Variants in SLIT3 observed in about 807,000 individuals in gnomAD.
The protein encoded by SLIT3 is slit guidance ligand 3, also known as slit homolog 3 protein.
Under a neutral mutation model 184.0 loss-of-function variants are expected in SLIT3, and 68 were observed. The observed-to-expected ratio is 0.37, with a 90% CI of 0.30 to 0.45. The LOEUF (loss-of-function observed/expected upper bound fraction) is 0.45. SLIT3 is among the 20% of genes least tolerant of loss of function. SLIT3 has a pLI of 1.00. For missense variants in SLIT3, 1,707 were observed against 2,026.0 expected (o/e 0.84, Z 3.02); for synonymous variants, 831 against 828.6 (o/e 1.00, Z -0.05).
intron 26 of SLIT3, among the ~76,000 whole-genome samples, chr5:168,705,084 G>A (rs1762337089): frequency 6.6e-6 from 1 of 152,168 alleles, no homozygotes; most frequent in Admixed American, 6.5e-5. Context: ...CCTGCTTGGT[G>A]TTCTTCCCAT....
chr5:168,968,168 C>G (rs553930695), intron 4 of SLIT3, among the ~76,000 whole-genome samples: 4 of 152,152 alleles, frequency 2.6e-5, no homozygotes, highest in African/African-American at 9.7e-5. Context: ...TCTGCTTTCC[C>G]GGGTCAGCAA....
At chr5:168,886,318 C>A (rs1033939275) in intron 4 of SLIT3, among the ~76,000 whole-genome samples, 2 of 152,146 alleles carry the variant, frequency 1.3e-5, no homozygotes, top group African/African-American at 2.4e-5. Flanking sequence ...GGGTTCAGGG[C>A]TGGGCGCTTC....
intron 4 of SLIT3, among the ~76,000 whole-genome samples, chr5:169,163,225 G>T (rs1438562978): frequency 6.6e-6 from 1 of 152,156 alleles, no homozygotes; most frequent in Admixed American, 6.5e-5. Context: ...GGAGGCTGAG[G>T]CAGGAGAATC....
chr5:168,711,163 G>A (rs1356219002), intron 24 of SLIT3, 105 bp from the exon 25 acceptor site: 35 of 1,065,420 alleles, frequency 3.3e-5, no homozygotes, highest in Non-Finnish European at 4.6e-5. Flanking sequence ...CTAGACTGGA[G>A]GTATCCAATA....
At chr5:169,133,025 A>G (rs1202491056) in intron 4 of SLIT3, among the ~76,000 whole-genome samples, 2 of 152,188 alleles carry the variant, frequency 1.3e-5, no homozygotes, top group Admixed American at 6.5e-5. Flanking sequence ...CAGTAGAGAG[A>G]CATAGACAAC....
chr5:169,272,722 A>G lies in SLIT3; in HGVS notation c.198-21263T>C, dbSNP rs541844959. On this transcript the variant is annotated intron_variant, in intron 1 of 35. Coordinates refer to ENST00000519560, the MANE Select transcript of SLIT3 (RefSeq NM_003062.4). ...AGACTTGATCCTGCAGGTCTACTGA[A>G]GTTGACCCCAGCTCCCAGGGAAAAA... Among the ~76,000 whole-genome samples, 43 of 152,308 alleles carry G rather than the reference A, an allele frequency of 2.8e-4. No homozygotes were observed. In the South Asian group the frequency reaches 3.9e-3, roughly 14 times the overall value.
At chr5:169,049,161 G>A (rs1757732446) in intron 4 of SLIT3, among the ~76,000 whole-genome samples, 1 of 152,172 alleles carries the variant, frequency 6.6e-6, no homozygotes, top group African/African-American at 2.4e-5. Flanking sequence ...ATACAAACGT[G>A]TAGAGTTGGA....
chr5:168,857,755 G>A (rs1373557713), intron 5 of SLIT3, among the ~76,000 whole-genome samples: 2 of 152,184 alleles, frequency 1.3e-5, no homozygotes, highest in Non-Finnish European at 2.9e-5. Context: ...GGGGGTCGGA[G>A]GGCTGAACAG....
intron 4 of SLIT3, among the ~76,000 whole-genome samples, chr5:169,055,101 T>A (rs1219168760): frequency 1.3e-5 from 2 of 152,130 alleles, no homozygotes; most frequent in African/African-American, 4.8e-5. Context: ...TCAATATGGT[T>A]GTTGCTCAAC....
chr5:168,879,446 T>C (rs11951731), intron 5 of SLIT3, among the ~76,000 whole-genome samples: 46,358 of 152,156 alleles, frequency 0.3, 7,867 homozygotes, highest in Non-Finnish European at 0.37. Context: ...TTGTGCTAAA[T>C]GTCTCTTATT....
chr5:168,917,894 T>C (rs1393964381), intron 4 of SLIT3, among the ~76,000 whole-genome samples: 1 of 152,204 alleles, frequency 6.6e-6, no homozygotes, highest in East Asian at 1.9e-4. Flanking sequence ...AAACAATCTG[T>C]GAATAAATAG....
At chr5:168,972,337 ATGTGTG>A (rs60588036) in intron 4 of SLIT3, among the ~76,000 whole-genome samples, 14 of 118,248 alleles carry the variant, frequency 1.2e-4, no homozygotes, top group Admixed American at 5.0e-4. Flanking sequence ...GCAGGACAAC[ATGTGTG>A]TGTGTGTGTG....
At chr5:169,094,891 C>T (rs1472470881) in intron 4 of SLIT3, among the ~76,000 whole-genome samples, 2 of 152,218 alleles carry the variant, frequency 1.3e-5, no homozygotes, top group Non-Finnish European at 2.9e-5. Flanking sequence ...ACAGAGACCA[C>T]ATGTCCTGCA....
At chr5:168,902,466 A>G (rs1760902817) in intron 4 of SLIT3, among the ~76,000 whole-genome samples, 1 of 152,228 alleles carries the variant, frequency 6.6e-6, no homozygotes, top group Non-Finnish European at 1.5e-5. Flanking sequence ...AATGCGTGAT[A>G]AGCAGTCAGA....
At chr5:169,129,552 C>T (rs1436201743) in intron 4 of SLIT3, among the ~76,000 whole-genome samples, 2 of 151,546 alleles carry the variant, frequency 1.3e-5, no homozygotes, top group Non-Finnish European at 2.9e-5. Context: ...ACTCAGTCCC[C>T]CCAAAAAAAA....
chr5:169,049,523 A>G (rs965721220), intron 4 of SLIT3, among the ~76,000 whole-genome samples: 1 of 152,248 alleles, frequency 6.6e-6, no homozygotes, highest in African/African-American at 2.4e-5. Flanking sequence ...CAGTGACAGC[A>G]GTGGAGAACT....
intron 12 of SLIT3, among the ~76,000 whole-genome samples, chr5:168,780,303 CAGG>C (rs1755925063): frequency 6.6e-6 from 1 of 152,210 alleles, no homozygotes; most frequent in Non-Finnish European, 1.5e-5. Context: ...GTGGCCCTTC[CAGG>C]AGAATGGATG....
chr5:168,901,322 C>T (rs1024816503), intron 4 of SLIT3, among the ~76,000 whole-genome samples: 1 of 151,920 alleles, frequency 6.6e-6, no homozygotes, highest in Admixed American at 6.6e-5. Context: ...TGAGATGACA[C>T]CACTGCACTC....
chr5:168,835,625 G>A (rs932962721), intron 6 of SLIT3, among the ~76,000 whole-genome samples: 6 of 151,802 alleles, frequency 4.0e-5, no homozygotes, highest in East Asian at 1.9e-4. Context: ...ACTGGCCAAC[G>A]TGGTGAAACC....
Sources: allele counts gnomAD v4.1 joint callset (sites outside exome capture counted in the v4.1 genomes callset), GRCh38; gene constraint gnomAD v4.1.1; transcripts MANE v1.5; gene names NCBI Gene and HGNC (gene_info 2026-07-23, HGNC 2026-07-21).